RPS6KA2: variants seen among roughly 807,000 people sequenced by gnomAD.
RPS6KA2 encodes ribosomal protein S6 kinase A2.
A neutral mutation model predicts 91.8 loss-of-function variants in RPS6KA2; 42 were observed. The observed-to-expected ratio is 0.46, with a 90% CI of 0.36 to 0.59. The LOEUF (loss-of-function observed/expected upper bound fraction) is 0.59. Ranked by LOEUF, RPS6KA2 falls within the 20% of genes least tolerant of loss-of-function variation. The pLI, the probability that RPS6KA2 is intolerant of heterozygous loss-of-function variation, is 0.00. For synonymous variants in RPS6KA2, 414 were observed against 393.6 expected, an observed-to-expected ratio of 1.05 and a Z score of -0.61; for missense variants, 798 against 978.5, an observed-to-expected ratio of 0.82 and a Z score of 2.46.
At chr6:166,747,213 G>C (rs576073396) in intron 2 of RPS6KA2, among the ~76,000 whole-genome samples, 1 of 152,252 alleles carries the variant, frequency 6.6e-6, no homozygotes, top group African/African-American at 2.4e-5. Context: ...GTGGTCTCTG[G>C]GGTGACCAGC....
chr6:166,573,056 G>T, intron 1 of RPS6KA2, among the ~76,000 whole-genome samples: 1 of 152,236 alleles, frequency 6.6e-6, no homozygotes, highest in Non-Finnish European at 1.5e-5. Flanking sequence ...TGGGGTTCCC[G>T]GGGTGCCCAG....
At chr6:166,688,044 G>A (rs1789079023) in intron 2 of RPS6KA2, among the ~76,000 whole-genome samples, 2 of 152,256 alleles carry the variant, frequency 1.3e-5, no homozygotes, top group Admixed American at 6.5e-5. Flanking sequence ...GATTGGCTGG[G>A]AGGAGATGGA....
chr6:166,578,244 G>A (rs185732915), intron 1 of RPS6KA2, among the ~76,000 whole-genome samples: 112 of 152,288 alleles, frequency 7.4e-4, no homozygotes, highest in Non-Finnish European at 1.4e-3. Context: ...CAGAAGCCAC[G>A]TGCCGTAGAC....
intron 2 of RPS6KA2, among the ~76,000 whole-genome samples, chr6:166,820,857 T>G (rs1272059661): frequency 6.6e-6 from 1 of 152,266 alleles, no homozygotes; most frequent in African/African-American, 2.4e-5. Flanking sequence ...TTTTGTTCAA[T>G]TATAATTAAC....
Position 166,432,562 on chromosome 6 carries a change from T to C in RPS6KA2, c.1333-72A>G, listed in dbSNP as rs9459670. ...TCGGGTGGTATCTGCTGGTGGACCA[T>C]TGAGTTTGGATAAAGTCTGGCCCCA... On this transcript the variant is annotated intron_variant, in intron 14 of 20. Transcript: ENST00000265678. 7,854 of 923,112 alleles carry C rather than the reference T, an allele frequency of 8.5e-3. 382 individuals are homozygous for C. The African/African-American group carries it at 0.11, about 13-fold the overall frequency. The allele number at this position is 923,112 out of a possible 1,614,324, so 57.2% of individuals were successfully genotyped here. A position where few individuals can be genotyped will look rare whatever the true frequency, so the allele number is the denominator to read the frequency against.
intron 1 of RPS6KA2, among the ~76,000 whole-genome samples, chr6:166,578,383 T>C (rs966686148): frequency 6.6e-6 from 1 of 152,164 alleles, no homozygotes; most frequent in Non-Finnish European, 1.5e-5. Flanking sequence ...GCCTCAATGC[T>C]GGAGGTGAAC....
intron 1 of RPS6KA2, among the ~76,000 whole-genome samples, chr6:166,548,751 A>G (rs533683476): frequency 1.1e-4 from 17 of 152,374 alleles, no homozygotes; most frequent in African/African-American, 4.1e-4. Context: ...AACATAGGGG[A>G]AAATTGTCCA....
In RPS6KA2 at chr6:166,666,903, G is replaced by A. The variant is rs1388648418; in HGVS notation, c.124-128119C>T. On this transcript the variant is annotated intron_variant, in intron 2 of 21. Coordinates refer to the RPS6KA2 transcript ENST00000503859. The surrounding 1 kb of genome is among the most constrained non-coding windows in gnomAD (Gnocchi z 4.0). The stretch of plus-strand genomic sequence containing the variant: ...TTGGTGGATGGATGGGTAGCAGAGT[G>A]CGGTGTAGGCACACAATGGAAGGAA... Among the ~76,000 whole-genome samples, 1 of 152,212 alleles carries A rather than the reference G, an allele frequency of 6.6e-6. No individual in the cohort carries two copies. The highest frequency in any genetic ancestry group is 1.9e-4 in the East Asian group (1 of 5,202).
chr6:166,591,132 T>A (rs1015010685), intron 1 of RPS6KA2, among the ~76,000 whole-genome samples: 3 of 152,224 alleles, frequency 2.0e-5, no homozygotes, highest in Admixed American at 2.0e-4. Context: ...GCCCAGGCAT[T>A]TCACAGTCGC....
chr6:166,565,172 T>C (rs573537238), intron 1 of RPS6KA2, among the ~76,000 whole-genome samples: 1 of 152,164 alleles, frequency 6.6e-6, no homozygotes, highest in Non-Finnish European at 1.5e-5. Context: ...CGGCCTCTGC[T>C]ATGCAACCAG....
At chr6:166,824,765 CTG>C (rs1016292257) in intron 2 of RPS6KA2, among the ~76,000 whole-genome samples, 1 of 41,820 alleles carries the variant, frequency 2.4e-5, no homozygotes, top group Non-Finnish European at 5.5e-5. Flanking sequence ...GTGTGTGTGT[CTG>C]TGTGTCTACG....
At chr6:166,758,327 A>G (rs970314104) in intron 2 of RPS6KA2, among the ~76,000 whole-genome samples, 1 of 152,180 alleles carries the variant, frequency 6.6e-6, no homozygotes, top group Non-Finnish European at 1.5e-5. Flanking sequence ...CGTTCTCTCT[A>G]CAAGCTTTTC....
At chr6:166,524,693 C>A (rs1198752932) in intron 3 of RPS6KA2, among the ~76,000 whole-genome samples, 1 of 152,216 alleles carries the variant, frequency 6.6e-6, no homozygotes, top group Non-Finnish European at 1.5e-5. Context: ...CAAGCCTTTG[C>A]TTGAGCCGGC....
At chr6:166,807,283 C>T (rs76546107) in intron 2 of RPS6KA2, among the ~76,000 whole-genome samples, 1,680 of 152,296 alleles carry the variant, frequency 0.011, 30 homozygotes, top group African/African-American at 0.039. Context: ...TCCTGACACT[C>T]GTGATCATTT....
intron 2 of RPS6KA2, among the ~76,000 whole-genome samples, chr6:166,783,201 G>A (rs1041579675): frequency 6.6e-6 from 1 of 151,416 alleles, no homozygotes; most frequent in Non-Finnish European, 1.5e-5. Context: ...CAATCCTCCC[G>A]CCTCAGCCTT....
intron 2 of RPS6KA2, among the ~76,000 whole-genome samples, chr6:166,713,490 T>C (rs180741893): frequency 2.6e-5 from 4 of 152,330 alleles, no homozygotes; most frequent in Admixed American, 2.0e-4. Context: ...ACTGATTTTT[T>C]CTCTGTTCTC....
At chr6:166,846,410 A>C (rs1459060570) in intron 2 of RPS6KA2, among the ~76,000 whole-genome samples, 1 of 152,142 alleles carries the variant, frequency 6.6e-6, no homozygotes, top group African/African-American at 2.4e-5. Context: ...ATAAAAAAAA[A>C]GAAAACTATA....
At chr6:166,799,963 A>T (rs1779322228) in intron 2 of RPS6KA2, among the ~76,000 whole-genome samples, 1 of 152,080 alleles carries the variant, frequency 6.6e-6, no homozygotes, top group African/African-American at 2.4e-5. Context: ...CTCTCAGGAG[A>T]TGCGCTAAGC....
chr6:166,607,401 CTAATGG>C (rs144823561), intron 1 of RPS6KA2, among the ~76,000 whole-genome samples: 17,403 of 152,128 alleles, frequency 0.11, 1,072 homozygotes, highest in East Asian at 0.3. Flanking sequence ...TATCAACTTA[CTAATGG>C]ATTAAAAAAA....
Sources: allele counts gnomAD v4.1 joint callset (sites outside exome capture counted in the v4.1 genomes callset), GRCh38; gene constraint gnomAD v4.1.1; non-coding constraint Gnocchi (gnomAD v3.1); transcripts MANE v1.5; gene names NCBI Gene and HGNC (gene_info 2026-07-23, HGNC 2026-07-21).